XKR7: variants seen among roughly 807,000 people sequenced by gnomAD.
XKR7 encodes the protein XK related 7, also known as XK-related protein 7.
In XKR7, 11 loss-of-function variants were observed where a neutral mutation model predicts 42.2. The observed-to-expected ratio is 0.26, with a 90% confidence interval of 0.16 to 0.43. XKR7 has a LOEUF of 0.43. Ranked by LOEUF, XKR7 falls within the 20% of genes least tolerant of loss-of-function variation. The pLI is 1.00. For synonymous variants in XKR7, 346 were observed against 366.4 expected (o/e 0.94, Z 0.64); for missense variants, 710 against 802.2 (o/e 0.89, Z 1.39).
chr20:31,999,044 A>G lies in XKR7; in HGVS notation c.*1587A>G, dbSNP rs866134561. 4.6e-5 allele frequency: 5 copies of G among 109,704 alleles called. No homozygotes were observed. Among genetic ancestry groups the G allele is most frequent in the Admixed American group, 1.7e-4 (2 of 11,832 alleles). 6.8% of individuals were successfully genotyped at this position (109,704 alleles called of 1,614,324 possible). On this transcript the variant is annotated 3_prime_UTR_variant, in exon 3 of 3. Coordinates refer to ENST00000562532, the MANE Select transcript of XKR7 (RefSeq NM_001011718.2). ...AACCCAACCCACCCCCCACCCCCCC[A>G]CACACACACTCCCACAGCAACTTAG...
rs537440339 is a variant in XKR7 at position 31,988,469 on chromosome 20, T to C, written c.585-6599T>C. 1.4e-4 allele frequency among the ~76,000 whole-genome samples: 21 copies of C among 152,290 alleles called. No individual in the cohort carries two copies. The South Asian group carries it at 4.0e-3, about 29-fold the overall frequency. On this transcript the variant is annotated intron_variant, in intron 1 of 2. Transcript: ENST00000562532. ...AGGAGGGATTTCATACTCTAGCTTCTACTCTTCTCTCTAGGTGTGGCCTTT... is the reference window on the plus strand; with the variant it reads ...AGGAGGGATTTCATACTCTAGCTTCCACTCTTCTCTCTAGGTGTGGCCTTT...
intron 1 of XKR7, among the ~76,000 whole-genome samples, chr20:31,980,652 T>C (rs1475841781): frequency 6.6e-6 from 1 of 152,220 alleles, no homozygotes; most frequent in Non-Finnish European, 1.5e-5. Context: ...TCTTTCACTC[T>C]TGCCCTCCTG....
intron 1 of XKR7, among the ~76,000 whole-genome samples, chr20:31,977,247 G>A (rs2064489635): frequency 6.6e-6 from 1 of 152,224 alleles, no homozygotes; most frequent in Admixed American, 6.5e-5. Context: ...AAATGTTGGT[G>A]TGAACTGGAT....
chr20:31,972,303 G>A (rs966418971), intron 1 of XKR7, among the ~76,000 whole-genome samples: 2 of 152,216 alleles, frequency 1.3e-5, no homozygotes, highest in Non-Finnish European at 2.9e-5. Context: ...CACTGAGGAA[G>A]TGAGGAAAGG....
chr20:31,987,790 C>T (rs949392348), intron 1 of XKR7, among the ~76,000 whole-genome samples: 2 of 152,186 alleles, frequency 1.3e-5, no homozygotes, highest in African/African-American at 4.8e-5. Context: ...AAGCTCCTGG[C>T]CTCTAAGGGC....
At chr20:31,986,747 CACAG>C (rs2064542981) in intron 1 of XKR7, among the ~76,000 whole-genome samples, 1 of 142,358 alleles carries the variant, frequency 7.0e-6, no homozygotes, top group Non-Finnish European at 1.5e-5. Context: ...GCATCCAAGA[CACAG>C]ACAGACCACC....
intron 1 of XKR7, among the ~76,000 whole-genome samples, chr20:31,969,124 C>G (rs558834844): frequency 6.6e-6 from 1 of 152,344 alleles, no homozygotes; most frequent in African/African-American, 2.4e-5. Context: ...ACCCACTCCT[C>G]TCTGCCTGAG....
chr20:31,996,665 C>T lies in XKR7; in HGVS notation c.948C>T (p.Ala316=). 1.2e-6 allele frequency: 2 copies of T among 1,601,728 alleles called. No homozygotes were observed. Among genetic ancestry groups the T allele is most frequent in the African/African-American group, 1.3e-5 (1 of 74,684 alleles). ...HLFSIAARGL[A]FALFASVYKL... is the part of the protein sequence containing the mutation. ...TCAGCATTGCCGCCCGCGGCCTGGC[C>T]TTCGCGCTCTTCGCCAGCGTCTACA... is the stretch of plus-strand genomic sequence containing the variant. Residue 316 remains alanine, a synonymous_variant, in exon 3 of 3, where the codon GCC becomes GCT. Coordinates refer to ENST00000562532, the MANE Select transcript of XKR7 (RefSeq NM_001011718.2).
At chr20:31,977,342 G>A (rs773648805) in intron 1 of XKR7, among the ~76,000 whole-genome samples, 23 of 152,270 alleles carry the variant, frequency 1.5e-4, no homozygotes, top group Non-Finnish European at 2.9e-4. Flanking sequence ...TCAGAATTCT[G>A]GTGAGTTTTC....
At chr20:31,985,781 CACAGACAGACAG>C (rs34231055) in intron 1 of XKR7, among the ~76,000 whole-genome samples, 1 of 112,626 alleles carries the variant, frequency 8.9e-6, no homozygotes, top group African/African-American at 4.0e-5. Context: ...GCATCCAAGA[CACAGACAGACAG>C]ACAGACAGAC....
Position 31,997,467 on chromosome 20 carries a change from T to C in XKR7, c.*10T>C, listed in dbSNP as rs751965129. The C allele has an allele frequency of 6.3e-7, 1 of 1,579,550 alleles. No individual in the cohort carries two copies. Among genetic ancestry groups the C allele is most frequent in the African/African-American group, 1.3e-5 (1 of 74,656 alleles). ...TGAGACCACAGTGTAGGCTACAGTG[T>C]CCCAGCACAAAAGGGACAGGCTTGG... On this transcript the variant is annotated 3_prime_UTR_variant, in exon 3 of 3. Coordinates refer to ENST00000562532, the MANE Select transcript of XKR7 (RefSeq NM_001011718.2).
rs576686568 is a variant in XKR7 at position 31,989,278 on chromosome 20, C to CG, written c.585-5790_585-5789insG. Reference sequence around the variant, plus strand: ...AAGTCTGGCTGAGTTTTAGGACACCCCCCCCCCAGCGCATCTGGAGTGTCA... The same window carrying CG: ...AAGTCTGGCTGAGTTTTAGGACACCCGCCCCCCCAGCGCATCTGGAGTGTCA... On this transcript the variant is annotated intron_variant, in intron 1 of 2. Coordinates refer to ENST00000562532, the MANE Select transcript of XKR7 (RefSeq NM_001011718.2). Among the ~76,000 whole-genome samples, 280 of 118,004 alleles carry CG rather than the reference C, an allele frequency of 2.4e-3. 1 individual carries two copies. Among genetic ancestry groups the CG allele is most frequent in the Non-Finnish European group, 4.4e-3 (237 of 53,454 alleles). 77.4% of individuals were successfully genotyped at this position (118,004 alleles called of 152,430 possible). A position where few individuals can be genotyped will look rare whatever the true frequency, so the allele number is the denominator to read the frequency against.
At chr20:31,979,919 A>C (rs924896129) in intron 1 of XKR7, among the ~76,000 whole-genome samples, 1 of 152,018 alleles carries the variant, frequency 6.6e-6, no homozygotes, top group African/African-American at 2.4e-5. Flanking sequence ...TCCAGAGAGG[A>C]GAGGAGAGCT....
intron 1 of XKR7, among the ~76,000 whole-genome samples, chr20:31,989,275 A>ACC (rs375655653): frequency 0.022 from 2,437 of 111,754 alleles, 49 homozygotes; most frequent in African/African-American, 0.062. Context: ...GTTTTAGGAC[A>ACC]CCCCCCCCCC....
At chr20:31,984,121 C>T (rs1050009979) in intron 1 of XKR7, among the ~76,000 whole-genome samples, 10 of 151,696 alleles carry the variant, frequency 6.6e-5, no homozygotes, top group Admixed American at 3.3e-4. Context: ...ATTAGCCAGG[C>T]GTGGTGGCGC....
intron 1 of XKR7, among the ~76,000 whole-genome samples, chr20:31,977,105 T>A (rs189497199): frequency 5.9e-5 from 9 of 152,350 alleles, no homozygotes; most frequent in Admixed American, 4.6e-4. Context: ...CCTTTAAAAC[T>A]GTCCACGGCC....
chr20:31,983,191 C>T (rs1254136404), intron 1 of XKR7, among the ~76,000 whole-genome samples: 5 of 152,190 alleles, frequency 3.3e-5, no homozygotes, highest in South Asian at 2.1e-4. Flanking sequence ...TGTACATTAA[C>T]GATGTGCCAG....
Position 32,002,676 on chromosome 20 carries a change from T to C in XKR7, c.*5219T>C, listed in dbSNP as rs1346225935. ...TCATTTCTTGAAGAAGAATTCATTTTCCCATATTAAATTAACTCAAGCTGA... is the reference window on the plus strand; with the variant it reads ...TCATTTCTTGAAGAAGAATTCATTTCCCCATATTAAATTAACTCAAGCTGA... On this transcript the variant is annotated 3_prime_UTR_variant, in exon 3 of 3. Coordinates refer to ENST00000562532, the MANE Select transcript of XKR7 (RefSeq NM_001011718.2). The C allele has an allele frequency of 2.6e-5, 4 of 152,206 alleles. No homozygotes were observed. Among genetic ancestry groups the C allele is most frequent in the Admixed American group, 2.0e-4 (3 of 15,280 alleles). The allele number at this position is 152,206 out of a possible 1,614,324, so 9.4% of individuals were successfully genotyped here.
intron 1 of XKR7, among the ~76,000 whole-genome samples, chr20:31,993,562 C>G (rs2064578769): frequency 6.6e-6 from 1 of 152,184 alleles, no homozygotes; most frequent in Non-Finnish European, 1.5e-5. Flanking sequence ...TTCAGTTCAA[C>G]AAGCCTGCAG....
Sources: allele counts gnomAD v4.1 joint callset (sites outside exome capture counted in the v4.1 genomes callset), GRCh38; gene constraint gnomAD v4.1.1; transcripts MANE v1.5; gene names NCBI Gene and HGNC (gene_info 2026-07-23, HGNC 2026-07-21).